KCNQ1: variants seen among roughly 807,000 people sequenced by gnomAD.
KCNQ1 encodes the protein potassium voltage-gated channel subfamily KQT member 1.
Under a neutral mutation model 72.4 loss-of-function variants are expected in KCNQ1, and 49 were observed. The ratio of observed to expected loss-of-function variants is 0.68; its 90% CI spans 0.54 to 0.86. KCNQ1 has a LOEUF of 0.86. Ranked by LOEUF, KCNQ1 falls within the 40% of genes least tolerant of loss-of-function variation. The pLI is 0.00. For synonymous variants in KCNQ1, 450 were observed against 412.6 expected (o/e 1.09, Z -1.10); for missense variants, 790 against 945.1 (o/e 0.84, Z 2.15).
rs1846691768 is a variant in KCNQ1 at position 2,776,042 on chromosome 11, A to G, written c.1673A>G (p.Glu558Gly). 6.4e-7 allele frequency: 1 copy of G among 1,563,034 alleles called. No homozygotes were observed. Among genetic ancestry groups the G allele is most frequent in the East Asian group, 2.4e-5 (1 of 42,432 alleles). ...GHLNLMVRIK[E>G]LQRRLDQSIG... The stretch of plus-strand genomic sequence containing the variant: ...CTCAACCTCATGGTGCGCATCAAGG[A>G]GCTGCAGAGGAGGTGGGCACGGCCA... The change falls in exon 13 of 16, where the codon GAG (glutamate) becomes GGG (glycine). Residue 558 changes from glutamate (E) to glycine (G), a missense_variant. By Grantham distance (98) the Glu-to-Gly change is moderately conservative. Around this residue, in one of 5 missense-constraint regions of KCNQ1, gnomAD observed 91 missense variants for 139.1 expected, o/e 0.65. Coordinates refer to ENST00000155840, the MANE Select transcript of KCNQ1 (RefSeq NM_000218.3).
At position 2,712,428 on chromosome 11, in the gene KCNQ1, C is replaced by G. The variant is rs1163972207; in HGVS notation, c.1514+50347C>G. Among the ~76,000 whole-genome samples the G allele has an allele frequency of 6.6e-6, 1 of 152,184 alleles. No homozygotes were observed. Among genetic ancestry groups the G allele is most frequent in the Non-Finnish European group, 1.5e-5 (1 of 68,016 alleles). On this transcript the variant is annotated intron_variant, in intron 11 of 15. Transcript: ENST00000155840. This position sits in a 1 kb window ranked among gnomAD's most constrained non-coding sequence, Gnocchi z 6.4. ...GGATGTTAGACTCACCAGCCATCCC[C>G]TGGAAAGCTGTGGGGAGACTCAGAG...
In KCNQ1 at chr11:2,559,379, G is replaced by A. The variant is rs1035137368; in HGVS notation, c.478-11249G>A. 2.0e-5 allele frequency among the ~76,000 whole-genome samples: 3 copies of A among 152,188 alleles called. No individual in the cohort carries two copies. Among genetic ancestry groups the A allele is most frequent in the Non-Finnish European group, 4.4e-5 (3 of 68,020 alleles). On this transcript the variant is annotated intron_variant, in intron 2 of 15. Transcript: ENST00000155840. This position sits in a 1 kb window ranked among gnomAD's most constrained non-coding sequence, Gnocchi z 4.9. The stretch of plus-strand genomic sequence containing the variant: ...AAGCCCTGGATCTTGTTGACACCCC[G>A]GGATGTGCCCTTGTGGCTACTTAGA...
intron 10 of KCNQ1, chr11:2,615,170 TTTAAAAA>T: frequency 2.5e-6 from 1 of 398,240 alleles, no homozygotes. Flanking sequence ...TAAGTGGAAT[TTTAAAAA>T]TTGACTTCCT....
At position 2,483,136 on chromosome 11, in the gene KCNQ1, A is replaced by T. The variant is rs935650451; in HGVS notation, c.386+37652A>T. ...AGCACCCAGACAGAGGGCATGGCAC[A>T]TGCAAAGGTCCTGTGTTGGGAACGT... On this transcript the variant is annotated intron_variant, in intron 1 of 15. Transcript: ENST00000155840. This position sits in a 1 kb window ranked among gnomAD's most constrained non-coding sequence, Gnocchi z 6.1. Among the ~76,000 whole-genome samples, 3 of 152,172 alleles carry T rather than the reference A, an allele frequency of 2.0e-5. No individual in the cohort carries two copies. Among genetic ancestry groups the T allele is most frequent in the African/African-American group, 7.2e-5 (3 of 41,444 alleles).
At chr11:2,688,978 C>A in intron 11 of KCNQ1, 1 of 398,784 alleles carries the variant, frequency 2.5e-6, no homozygotes, top group Admixed American at 4.4e-5. Flanking sequence ...GGGGTCTGAT[C>A]TGGAGAGCAG....
At position 2,711,958 on chromosome 11, in the gene KCNQ1, G is replaced by A. The variant is rs894433794; in HGVS notation, c.1514+49877G>A. Among the ~76,000 whole-genome samples the A allele has an allele frequency of 6.6e-6, 1 of 152,020 alleles. No homozygotes were observed. The highest frequency in any genetic ancestry group is 1.5e-5 in the Non-Finnish European group (1 of 67,992). ...CTGCTCACCTGTGTCCATCCCCTTGGGCAGCACACAGCCAAGTCCTTTTGG... is the reference window on the plus strand; with the variant it reads ...CTGCTCACCTGTGTCCATCCCCTTGAGCAGCACACAGCCAAGTCCTTTTGG... On this transcript the variant is annotated intron_variant, in intron 11 of 15. Coordinates refer to ENST00000155840, the MANE Select transcript of KCNQ1 (RefSeq NM_000218.3). This position sits in a 1 kb window ranked among gnomAD's most constrained non-coding sequence, Gnocchi z 5.4.
intron 1 of KCNQ1, among the ~76,000 whole-genome samples, chr11:2,513,067 GGA>G (rs1440450579): frequency 3.3e-5 from 5 of 152,166 alleles, no homozygotes; most frequent in African/African-American, 9.7e-5. Flanking sequence ...GGTCCTTGGA[GGA>G]GAGAGCTCCC....
At chr11:2,662,595 C>G in intron 11 of KCNQ1, 1 of 416,912 alleles carries the variant, frequency 2.4e-6, no homozygotes, top group East Asian at 3.4e-5. Flanking sequence ...GCCCGTCCTC[C>G]CCCGCCGTCA....
chr11:2,707,249 T>A (rs1850926201), intron 11 of KCNQ1, among the ~76,000 whole-genome samples: 1 of 152,122 alleles, frequency 6.6e-6, no homozygotes, highest in Admixed American at 6.5e-5. Flanking sequence ...TATCCCTGGG[T>A]CTTGGGGACA....
intron 11 of KCNQ1, among the ~76,000 whole-genome samples, chr11:2,755,552 C>G (rs1846286035): frequency 1.3e-5 from 2 of 152,262 alleles, no homozygotes; most frequent in Non-Finnish European, 2.9e-5. Context: ...AGCCACTGTG[C>G]CTGGCCAGGG....
chr11:2,675,966 G>A (rs925099829), intron 11 of KCNQ1: 2 of 398,520 alleles, frequency 5.0e-6, no homozygotes, highest in East Asian at 3.6e-5. Context: ...TACAAAAGGG[G>A]TGAAAAATAA....
At position 2,611,756 on chromosome 11, in the gene KCNQ1, T is replaced by C. The variant is rs1012333179; in HGVS notation, c.1393+22902T>C. 2 of 398,420 alleles carry C rather than the reference T, an allele frequency of 5.0e-6. No individual in the cohort carries two copies. Among genetic ancestry groups the C allele is most frequent in the Non-Finnish European group, 8.8e-6 (2 of 226,036 alleles). 24.7% of individuals were successfully genotyped at this position (398,420 alleles called of 1,614,324 possible). On this transcript the variant is annotated intron_variant, in intron 10 of 15. Transcript: ENST00000155840. This position sits in a 1 kb window ranked among gnomAD's most constrained non-coding sequence, Gnocchi z 5.3. Reference sequence around the variant, plus strand: ...TTTATATCTACCATGTTGTTATTTATTTTCTATATGTCTCATATCACTTTT... The same window carrying C: ...TTTATATCTACCATGTTGTTATTTACTTTCTATATGTCTCATATCACTTTT...
Position 2,671,449 on chromosome 11 carries a change from G to A in KCNQ1, c.1514+9368G>A, listed in dbSNP as rs1183647101. On this transcript the variant is annotated intron_variant, in intron 11 of 15. Coordinates refer to ENST00000155840, the MANE Select transcript of KCNQ1 (RefSeq NM_000218.3). The surrounding 1 kb of genome is among the most constrained non-coding windows in gnomAD (Gnocchi z 4.7). ...GATTCTCCCACTTTAGCAGGCAGAA[G>A]AGCAACCCAGCAGGGGATATACACA... is the stretch of plus-strand genomic sequence containing the variant. 1 of 398,506 alleles carries A rather than the reference G, an allele frequency of 2.5e-6. No homozygotes were observed. The highest frequency in any genetic ancestry group is 4.4e-6 in the Non-Finnish European group (1 of 226,082). The allele number at this position is 398,506 out of a possible 1,614,324, so 24.7% of individuals were successfully genotyped here.
chr11:2,758,082 A>G (rs531570661), intron 11 of KCNQ1, among the ~76,000 whole-genome samples: 33 of 152,214 alleles, frequency 2.2e-4, no homozygotes, highest in Non-Finnish European at 4.0e-4. Flanking sequence ...TTAAAACTTA[A>G]AACACTTGTT....
chr11:2,799,938 C>T (rs115693586), intron 15 of KCNQ1, among the ~76,000 whole-genome samples: 11,107 of 152,136 alleles, frequency 0.073, 1,331 homozygotes, highest in African/African-American at 0.25. Flanking sequence ...TCTACCTGGG[C>T]GACCCCATTT....
At position 2,562,985 on chromosome 11, in the gene KCNQ1, G is replaced by C. The variant is rs1306356735; in HGVS notation, c.478-7643G>C. Among the ~76,000 whole-genome samples, 2 of 152,184 alleles carry C rather than the reference G, an allele frequency of 1.3e-5. No homozygotes were observed. The highest frequency in any genetic ancestry group is 4.8e-5 in the African/African-American group (2 of 41,434). On this transcript the variant is annotated intron_variant, in intron 2 of 15. Transcript: ENST00000155840. The surrounding 1 kb of genome is among the most constrained non-coding windows in gnomAD (Gnocchi z 7.5). ...AGACACTAAAGTCCTCGCGATAAGG[G>C]TCTGCGAGGCTTCCTTTATGTTTTG...
rs540414900 is a variant in KCNQ1 at position 2,589,218 on chromosome 11, C to T, written c.1393+364C>T. ...AAAGTGGCTAGGGTGACCTCTGGGC[C>T]TACTGGCAGGGACGCCAGAGGGAAG... On this transcript the variant is annotated intron_variant, in intron 10 of 15. Coordinates refer to ENST00000155840, the MANE Select transcript of KCNQ1 (RefSeq NM_000218.3). Among the ~76,000 whole-genome samples the T allele has an allele frequency of 4.0e-4, 61 of 152,314 alleles. 1 individual carries two copies. The South Asian group carries it at 0.013, about 32-fold the overall frequency.
At chr11:2,641,698 A>C in intron 10 of KCNQ1, 1 of 398,378 alleles carries the variant, frequency 2.5e-6, no homozygotes, top group Admixed American at 4.4e-5. Flanking sequence ...TTATCCATAA[A>C]ATCTTTCCCT....
intron 15 of KCNQ1, 127 bp downstream of exon 15, chr11:2,778,164 C>T: frequency 1.1e-6 from 1 of 897,146 alleles, no homozygotes; most frequent in Non-Finnish European, 1.8e-6. Flanking sequence ...GTGCCTACTG[C>T]AGCCTGCCCA....
Sources: gnomAD v4.1 joint callset for allele counts (sites outside exome capture counted in the v4.1 genomes callset) on GRCh38, gnomAD v4.1.1 for gene constraint, gnomAD v4.1.1 regional missense constraint, Gnocchi (gnomAD v3.1) non-coding constraint, MANE v1.5 for transcripts, NCBI Gene and HGNC (gene_info 2026-07-23, HGNC 2026-07-21) for gene names.